The following CDH8 variants were observed in gnomAD, a reference collection of about 807,000 sequenced individuals.
CDH8 encodes cadherin-8.
CDH8 carries 17 observed loss-of-function variants against 68.1 expected under a neutral mutation model. The observed-to-expected ratio is 0.25, with a 90% CI of 0.17 to 0.37. The LOEUF (loss-of-function observed/expected upper bound fraction) is 0.37. CDH8 is among the 10% of genes least tolerant of loss of function. CDH8 has a pLI of 1.00. For missense variants in CDH8, 763 were observed against 999.3 expected (o/e 0.76, Z 3.19); for synonymous variants, 372 against 365.1 (o/e 1.02, Z -0.21).
At chr16:61,801,454 T>C (rs545416953) in intron 7 of CDH8, among the ~76,000 whole-genome samples, 4 of 151,984 alleles carry the variant, frequency 2.6e-5, no homozygotes, top group East Asian at 3.9e-4. Context: ...TTCAGTAAAA[T>C]TGGAGGAGCC....
chr16:61,962,665 T>C (rs1282812288), intron 2 of CDH8, among the ~76,000 whole-genome samples: 1 of 152,202 alleles, frequency 6.6e-6, no homozygotes, highest in Non-Finnish European at 1.5e-5. Context: ...CTGTTCCTTC[T>C]GTTTTTGTAA....
intron 2 of CDH8, among the ~76,000 whole-genome samples, chr16:61,951,067 C>T (rs552356545): frequency 1.3e-5 from 2 of 152,054 alleles, no homozygotes; most frequent in South Asian, 4.2e-4. Context: ...AAAACCTCCA[C>T]ATTCCAGTCT....
chr16:61,862,437 A>G lies in CDH8; in HGVS notation c.548-5199T>C, dbSNP rs556589223. 2.0e-5 allele frequency among the ~76,000 whole-genome samples: 3 copies of G among 152,294 alleles called. No individual in the cohort carries two copies. In the East Asian group the frequency reaches 5.8e-4, roughly 29 times the overall value. On this transcript the variant is annotated intron_variant, in intron 3 of 11. Transcript: ENST00000577390. The stretch of plus-strand genomic sequence containing the variant: ...ATGAACTACTGGGCTGGGGACTGCA[A>G]CAGAGCTAAGACAAGCTTTTACCCA...
rs201918501 is a variant in CDH8, at chr16:61,995,898, C to T, written c.252+25254G>A. Among the ~76,000 whole-genome samples the T allele has an allele frequency of 6.6e-5, 10 of 152,188 alleles. No homozygotes were observed. In the East Asian group the frequency reaches 1.9e-3, roughly 29 times the overall value. ...CAACTCAGTAGATATAATCCATCCA[C>T]TCTTGGTCTTCTGAACCACTTTCCT... On this transcript the variant is annotated intron_variant, in intron 2 of 11. Transcript: ENST00000577390.
chr16:61,708,872 A>T (rs1322886055), intron 10 of CDH8, among the ~76,000 whole-genome samples: 2 of 152,208 alleles, frequency 1.3e-5, no homozygotes, highest in Admixed American at 1.3e-4. Flanking sequence ...GAAATGTCCC[A>T]TGCTTCATAT....
chr16:61,758,712 A>G (rs994132077), intron 8 of CDH8, among the ~76,000 whole-genome samples: 7 of 152,134 alleles, frequency 4.6e-5, no homozygotes, highest in Non-Finnish European at 2.9e-5. Flanking sequence ...GTTTGAAAAT[A>G]TATATTTTTT....
chr16:61,691,795 C>G (rs1225409059), intron 10 of CDH8: 1 of 151,854 alleles, frequency 6.6e-6, no homozygotes, highest in African/African-American at 2.4e-5. Context: ...ATACACTGAA[C>G]AGCAGTAATA....
chr16:61,706,643 A>AAAAT (rs1407916330), intron 10 of CDH8, among the ~76,000 whole-genome samples: 4 of 151,194 alleles, frequency 2.6e-5, no homozygotes, highest in Non-Finnish European at 5.9e-5. Flanking sequence ...AAAAAAAAAA[A>AAAAT]AGTGTAACTG....
intron 7 of CDH8, among the ~76,000 whole-genome samples, chr16:61,816,389 G>A (rs1865808): frequency 1.3e-5 from 2 of 152,000 alleles, no homozygotes; most frequent in South Asian, 2.1e-4. Flanking sequence ...TAAATAAACC[G>A]ACAGATAACT....
intron 10 of CDH8, among the ~76,000 whole-genome samples, chr16:61,665,810 C>CTCCT (rs111677477): frequency 0.081 from 5,721 of 70,912 alleles, 245 homozygotes; most frequent in African/African-American, 0.13. Context: ...CTTCCTTTCC[C>CTCCT]TCCTTCCTTC....
intron 7 of CDH8, among the ~76,000 whole-genome samples, chr16:61,812,456 A>C (rs949877139): frequency 6.6e-6 from 1 of 152,192 alleles, no homozygotes; most frequent in Non-Finnish European, 1.5e-5. Flanking sequence ...CTTTTAACTT[A>C]AGCAGCTCAT....
intron 3 of CDH8, among the ~76,000 whole-genome samples, chr16:61,872,707 G>C (rs567283791): frequency 2.4e-4 from 37 of 152,288 alleles, no homozygotes; most frequent in African/African-American, 8.7e-4. Flanking sequence ...GCCTAAACTA[G>C]TGTTTTCAGG....
intron 10 of CDH8, among the ~76,000 whole-genome samples, chr16:61,673,443 A>T (rs1567414597): frequency 6.6e-6 from 1 of 152,080 alleles, no homozygotes; most frequent in Non-Finnish European, 1.5e-5. Context: ...ACTTTCTTTA[A>T]CTGTGAATTC....
intron 2 of CDH8, among the ~76,000 whole-genome samples, chr16:62,008,570 A>G (rs1052245125): frequency 3.9e-5 from 6 of 152,030 alleles, no homozygotes; most frequent in Admixed American, 2.6e-4. Flanking sequence ...ATGATCATAC[A>G]GCTCACTGCA....
chr16:61,822,753 G>A (rs11644515), intron 5 of CDH8, among the ~76,000 whole-genome samples: 20,414 of 151,824 alleles, frequency 0.13, 1,672 homozygotes, highest in Middle Eastern at 0.21. Context: ...TATATTCCAA[G>A]TAAGGTTTGA....
chr16:61,782,428 G>A (rs376787966), intron 8 of CDH8, among the ~76,000 whole-genome samples: 21 of 152,104 alleles, frequency 1.4e-4, no homozygotes, highest in Admixed American at 5.9e-4. Context: ...CACCTGGCTC[G>A]GAGGGTCCTA....
At chr16:61,954,757 C>A (rs1214059152) in intron 2 of CDH8, among the ~76,000 whole-genome samples, 1 of 150,146 alleles carries the variant, frequency 6.7e-6, no homozygotes, top group Non-Finnish European at 1.5e-5. Flanking sequence ...AATGAATTTG[C>A]AAAACAAAAA....
intron 2 of CDH8, among the ~76,000 whole-genome samples, chr16:61,985,744 C>T (rs780749258): frequency 3.0e-4 from 46 of 152,098 alleles, no homozygotes; most frequent in Admixed American, 1.6e-3. Flanking sequence ...CTGCCCGCCT[C>T]GGCCTCCCAA....
At chr16:61,907,468 C>G (rs1018562670) in intron 2 of CDH8, among the ~76,000 whole-genome samples, 1 of 151,844 alleles carries the variant, frequency 6.6e-6, no homozygotes, top group Non-Finnish European at 1.5e-5. Flanking sequence ...TGCTTGAGCC[C>G]AGGAATTCGA....
Sources: allele counts gnomAD v4.1 joint callset (sites outside exome capture counted in the v4.1 genomes callset), GRCh38; gene constraint gnomAD v4.1.1; transcripts MANE v1.5; gene names NCBI Gene and HGNC (gene_info 2026-07-23, HGNC 2026-07-21).